The following MYCBP2 variants were observed in gnomAD, a reference collection of about 807,000 sequenced individuals.
MYCBP2 encodes MYC binding protein 2, also known as E3 ubiquitin-protein ligase MYCBP2.
In MYCBP2, 120 loss-of-function variants were observed where a neutral mutation model predicts 525.3. The observed-to-expected ratio is 0.23, with a 90% confidence interval of 0.20 to 0.27. The LOEUF (loss-of-function observed/expected upper bound fraction) is 0.27, where lower values mean the gene tolerates loss of function less well. MYCBP2 is among the 10% of genes least tolerant of loss of function. The pLI, the probability that MYCBP2 is intolerant of heterozygous loss-of-function variation, is 1.00. For missense variants in MYCBP2, 4,149 were observed against 5,657.1 expected (o/e 0.73, Z 8.55); for synonymous variants, 1,894 against 1,955.8 (o/e 0.97, Z 0.83).
At chr13:77,089,902 C>T (rs1253866780) in intron 60 of MYCBP2, among the ~76,000 whole-genome samples, 19 of 152,004 alleles carry the variant, frequency 1.2e-4, no homozygotes, top group Admixed American at 1.2e-3. Context: ...TGAATGATCT[C>T]CAGATTTCCC....
chr13:77,326,917 C>A lies in MYCBP2; in HGVS notation c.-142G>T. ...CGCAGCAGGGAGACTACAAAGACAG[C>A]GACCTCCTTCTCCTCCTCCTTCTTC... On this transcript the variant is annotated 5_prime_UTR_variant, in exon 1 of 83. Coordinates refer to ENST00000544440, the MANE Select transcript of MYCBP2 (RefSeq NM_015057.5). This position sits in a 1 kb window ranked among gnomAD's most constrained non-coding sequence, Gnocchi z 4.2. 1.4e-6 allele frequency: 1 copy of A among 705,494 alleles called. No individual in the cohort carries two copies. Among genetic ancestry groups the A allele is most frequent in the Non-Finnish European group, 2.0e-6 (1 of 489,046 alleles). The allele number at this position is 705,494 out of a possible 1,614,324, so 43.7% of individuals were successfully genotyped here.
chr13:77,303,193 C>T (rs1441652142), intron 1 of MYCBP2, among the ~76,000 whole-genome samples: 2 of 152,148 alleles, frequency 1.3e-5, no homozygotes, highest in African/African-American at 2.4e-5. Flanking sequence ...ATTAGCCGGG[C>T]GTGGTGGCAC....
intron 53 of MYCBP2, among the ~76,000 whole-genome samples, chr13:77,125,697 G>A (rs1184628898): frequency 6.6e-6 from 1 of 152,120 alleles, no homozygotes; most frequent in Non-Finnish European, 1.5e-5. Context: ...AACTTTCAAA[G>A]CACAAAGATA....
chr13:77,221,400 C>T (rs531971022), intron 20 of MYCBP2, among the ~76,000 whole-genome samples: 42 of 152,202 alleles, frequency 2.8e-4, no homozygotes, highest in Admixed American at 2.1e-3. Flanking sequence ...ACATGAACAC[C>T]TTCCCTCTCA....
At position 77,157,966 on chromosome 13, in the gene MYCBP2, G is replaced by T; in HGVS notation, c.6741C>A (p.Val2247=). Reference sequence around the variant, plus strand: ...CAAGCCTTCCACCACTTGATCCTGGGACACAGGCAATAAAATCATCCAGAA... The same window carrying T: ...CAAGCCTTCCACCACTTGATCCTGGTACACAGGCAATAAAATCATCCAGAA... ...QSFLDDFIAC[V]PGSSGGRLAR... The change falls in exon 45 of 83, where the codon GTC becomes GTA. Residue 2247 remains valine, a synonymous_variant. Transcript: ENST00000544440. The T allele has an allele frequency of 6.2e-7, 1 of 1,613,016 alleles. No individual in the cohort carries two copies. The highest frequency in any genetic ancestry group is 8.5e-7 in the Non-Finnish European group (1 of 1,179,656).
chr13:77,307,118 C>T (rs1012571148), intron 1 of MYCBP2, among the ~76,000 whole-genome samples: 2 of 152,048 alleles, frequency 1.3e-5, no homozygotes, highest in African/African-American at 2.4e-5. Context: ...TTCACAGAAA[C>T]ATAAAAAGGC....
chr13:77,182,920 G>T (rs1179737267), intron 32 of MYCBP2, among the ~76,000 whole-genome samples: 2 of 152,170 alleles, frequency 1.3e-5, no homozygotes, highest in Non-Finnish European at 2.9e-5. Context: ...CTTTTTATCA[G>T]ATTTAGGAGT....
Position 77,235,074 on chromosome 13 carries a change from T to C in MYCBP2, c.2630-1811A>G, listed in dbSNP as rs539783754. Reference sequence around the variant, plus strand: ...TAAAATAATGTTTCTTTAAATATAGTTGAGTCACTAATTTATTCACCAAAT... The same window carrying C: ...TAAAATAATGTTTCTTTAAATATAGCTGAGTCACTAATTTATTCACCAAAT... On this transcript the variant is annotated intron_variant, in intron 17 of 82. Transcript: ENST00000544440. 3.9e-5 allele frequency among the ~76,000 whole-genome samples: 6 copies of C among 152,248 alleles called. No individual in the cohort carries two copies. In the South Asian group the frequency reaches 8.3e-4, roughly 21 times the overall value.
intron 13 of MYCBP2, among the ~76,000 whole-genome samples, chr13:77,258,331 T>C (rs1348623154): frequency 1.3e-5 from 2 of 152,214 alleles, no homozygotes; most frequent in African/African-American, 4.8e-5. Context: ...CAATACACAG[T>C]TATTTTCTAA....
At chr13:77,296,075 C>T (rs533515616) in intron 2 of MYCBP2, among the ~76,000 whole-genome samples, 2 of 152,182 alleles carry the variant, frequency 1.3e-5, no homozygotes, top group Admixed American at 1.3e-4. Flanking sequence ...GAATAAATAG[C>T]AAATAATTTT....
At position 77,081,504 on chromosome 13, in the gene MYCBP2, T is replaced by C. The variant is rs2043306567; in HGVS notation, c.11341A>G (p.Asn3781Asp). 1 of 1,613,460 alleles carries C rather than the reference T, an allele frequency of 6.2e-7. No individual in the cohort carries two copies. Among genetic ancestry groups the C allele is most frequent in the Non-Finnish European group, 8.5e-7 (1 of 1,179,882 alleles). Reference protein sequence around the residue: ...SGDEDKNKTKNITINCVKGIN... With the variant: ...SGDEDKNKTKDITINCVKGIN... ...CCTTTTACACAGTTGATGGTGATGT[T>C]CTTAGTTTTGTTTTTATCTTCATCT... The change falls in exon 65 of 83, where the codon AAC becomes GAC. Residue 3781 changes from asparagine (N) to aspartate (D), a missense_variant. Asn to Asp is a conservative substitution (Grantham distance 23). Around this residue, in one of 21 missense-constraint regions of MYCBP2, gnomAD observed 509 missense variants for 789.4 expected, o/e 0.64. Transcript: ENST00000544440. This position sits in a 1 kb window ranked among gnomAD's most constrained non-coding sequence, Gnocchi z 4.6.
At position 77,150,859 on chromosome 13, in the gene MYCBP2, C is replaced by T; in HGVS notation, c.7006G>A (p.Ala2336Thr). 1 of 1,614,124 alleles carries T rather than the reference C, an allele frequency of 6.2e-7. No individual in the cohort carries two copies. Among genetic ancestry groups the T allele is most frequent in the Non-Finnish European group, 8.5e-7 (1 of 1,179,990 alleles). ...GTATTAGAAGATGCAGCTGTTACTGCAGGACTGCCAGGAATCCTTTGAGGT... is the reference window on the plus strand; with the variant it reads ...GTATTAGAAGATGCAGCTGTTACTGTAGGACTGCCAGGAATCCTTTGAGGT... ...KKPQRIPGSP[A>T]VTAASSNTDM... Residue 2336 changes from alanine to threonine, a missense_variant, in exon 47 of 83, where the codon GCA (alanine) becomes ACA (threonine). Ala to Thr is a moderately conservative substitution (Grantham distance 58). Coordinates refer to ENST00000544440, the MANE Select transcript of MYCBP2 (RefSeq NM_015057.5).
rs529207784 is a variant in MYCBP2 at position 77,217,906 on chromosome 13, A to G, written c.2991T>C (p.Thr997=). ...GTACTGCCGTATGGTTGCTGCCTGC[A>G]GTGACTTGTGTGCTAGGGCCTGGCA... ...QALPGPSTQV[T]AGSNHTAVLL... is the part of the protein sequence containing the mutation. Residue 997 remains threonine, a synonymous_variant, in exon 21 of 83, where the codon ACT becomes ACC. Transcript: ENST00000544440. 29 of 1,612,406 alleles carry G rather than the reference A, an allele frequency of 1.8e-5. No homozygotes were observed. The highest frequency in any genetic ancestry group is 2.7e-5 in the African/African-American group (2 of 74,806).
At position 77,062,596 on chromosome 13, in the gene MYCBP2, C is replaced by A; in HGVS notation, c.12774G>T (p.Met4258Ile). 3 of 1,612,248 alleles carry A rather than the reference C, an allele frequency of 1.9e-6. No homozygotes were observed. Among genetic ancestry groups the A allele is most frequent in the Non-Finnish European group, 2.5e-6 (3 of 1,178,392 alleles). ...WMGKDGQQKQ[M>I]PMCDNHDDGE... is the part of the protein sequence containing the mutation. ...AATTCTTACAAAATTCTGATCTTAC[C>A]ATTTGTTTTTGTTGTCCATCCTTTC... Residue 4258 changes from methionine (M) to isoleucine (I), a missense_variant and splice_region_variant, in exon 74 of 83, where the codon ATG becomes ATT. Met to Ile is a conservative substitution (Grantham distance 10, BLOSUM62 1). This residue lies in a region of MYCBP2 where 220 missense variants were observed against 396.0 expected (regional missense o/e 0.56). Transcript: ENST00000544440.
intron 2 of MYCBP2, among the ~76,000 whole-genome samples, chr13:77,289,230 T>C (rs980008241): frequency 6.6e-6 from 1 of 151,762 alleles, no homozygotes; most frequent in Non-Finnish European, 1.5e-5. Flanking sequence ...AAATAAGAAA[T>C]ACATCAAAAA....
rs777114373 is a variant in MYCBP2, at chr13:77,211,949, G to A, written c.3262+7C>T. On this transcript the variant is annotated splice_region_variant and intron_variant, in intron 22 of 82. Coordinates refer to ENST00000544440, the MANE Select transcript of MYCBP2 (RefSeq NM_015057.5). ...TGGAAGGGGCATTTGTTTATTTCTG[G>A]TATTACCTATTATGTGTTTACTGGC... The A allele has an allele frequency of 6.2e-7, 1 of 1,603,456 alleles. No homozygotes were observed. Among genetic ancestry groups the A allele is most frequent in the Non-Finnish European group, 8.5e-7 (1 of 1,170,638 alleles).
chr13:77,189,036 C>G lies in MYCBP2; in HGVS notation c.4166G>C (p.Ser1389Thr). ...IPQLLYRLPT[S>T]DGSASKGKQQ... ...TTTGCCTTTTGAAGCACTGCCATCA[C>G]TGGTTGGAAGTCTAAAGGCAGTAGA... The change falls in exon 30 of 83, where the codon AGT (serine) becomes ACT (threonine). Residue 1389 changes from serine to threonine, a missense_variant. Around this residue, in one of 21 missense-constraint regions of MYCBP2, gnomAD observed 292 missense variants for 330.5 expected, o/e 0.88. Transcript: ENST00000544440. 1 of 1,609,326 alleles carries G rather than the reference C, an allele frequency of 6.2e-7. No homozygotes were observed. The highest frequency in any genetic ancestry group is 2.2e-5 in the East Asian group (1 of 44,458).
chr13:77,126,405 T>C lies in MYCBP2; in HGVS notation c.7797A>G (p.Ser2599=). 1 of 1,614,048 alleles carries C rather than the reference T, an allele frequency of 6.2e-7. No homozygotes were observed. The highest frequency in any genetic ancestry group is 1.1e-5 in the South Asian group (1 of 91,084). The part of the protein sequence containing the change: ...GMYKVVKTGP[S]GHNIRSCPNL... Reference sequence around the variant, plus strand: ...TAGGGCAGCTTCTGATGTTGTGACCTGAAGGTCCCGTCTTCACTACCTTGT... The same window carrying C: ...TAGGGCAGCTTCTGATGTTGTGACCCGAAGGTCCCGTCTTCACTACCTTGT... Residue 2599 remains serine, a synonymous_variant, in exon 53 of 83, where the codon TCA becomes TCG. Coordinates refer to ENST00000544440, the MANE Select transcript of MYCBP2 (RefSeq NM_015057.5).
rs1346162297 is a variant in MYCBP2, at chr13:77,191,784, G to A, written c.3965C>T (p.Pro1322Leu). 4 of 1,613,854 alleles carry A rather than the reference G, an allele frequency of 2.5e-6. No homozygotes were observed. ...CCACCACCCAGCTTGCAGGAGAACA[G>A]GCTCATCAAACATCATTGCATATTT... ...REKYAMMFDE[P>L]VLLQAGWWYV... Residue 1322 changes from proline to leucine, a missense_variant, in exon 28 of 83, where the codon CCT becomes CTT. By Grantham distance (98) the Pro-to-Leu change is moderately conservative (BLOSUM62 -3). Around this residue, in one of 21 missense-constraint regions of MYCBP2, gnomAD observed 620 missense variants for 795.5 expected, o/e 0.78. Coordinates refer to ENST00000544440, the MANE Select transcript of MYCBP2 (RefSeq NM_015057.5).
Sources: gnomAD v4.1 joint callset for allele counts (sites outside exome capture counted in the v4.1 genomes callset) on GRCh38, gnomAD v4.1.1 for gene constraint, gnomAD v4.1.1 regional missense constraint, Gnocchi (gnomAD v3.1) non-coding constraint, MANE v1.5 for transcripts, NCBI Gene and HGNC (gene_info 2026-07-23, HGNC 2026-07-21) for gene names.